The following ZMYND8 variants were observed in gnomAD, a reference collection of about 807,000 sequenced individuals.
ZMYND8 encodes MYND-type zinc finger-containing chromatin reader ZMYND8.
Under a neutral mutation model 140.8 loss-of-function variants are expected in ZMYND8, and 37 were observed. That is an observed-to-expected ratio of 0.26 (90% CI 0.20 to 0.35). The LOEUF (loss-of-function observed/expected upper bound fraction) is 0.35, where lower values mean the gene tolerates loss of function less well. Among genes scored for constraint, ZMYND8 ranks in the 10% least tolerant of loss-of-function variants. ZMYND8 has a pLI of 1.00. For missense variants in ZMYND8, 1,068 were observed against 1,570.0 expected (o/e 0.68, Z 5.40); for synonymous variants, 592 against 597.1 (o/e 0.99, Z 0.12).
intron 3 of ZMYND8, among the ~76,000 whole-genome samples, chr20:47,303,425 C>T (rs2078228595): frequency 6.6e-6 from 1 of 152,106 alleles, no homozygotes; most frequent in African/African-American, 2.4e-5. Context: ...TGTTAAGAAG[C>T]TAGAAGAATC....
At chr20:47,250,780 C>A (rs2074105488) in intron 12 of ZMYND8, among the ~76,000 whole-genome samples, 1 of 152,198 alleles carries the variant, frequency 6.6e-6, no homozygotes, top group African/African-American at 2.4e-5. Context: ...AGCAGCCTCC[C>A]AAAAGCCCCA....
intron 15 of ZMYND8, chr20:47,237,575 C>T (rs1476732397): frequency 6.6e-6 from 1 of 152,174 alleles, no homozygotes; most frequent in Non-Finnish European, 1.5e-5. Context: ...TTTGCCCCAC[C>T]AACTTTTTAA....
chr20:47,279,243 G>A (rs961843513), intron 10 of ZMYND8, among the ~76,000 whole-genome samples: 4 of 152,146 alleles, frequency 2.6e-5, no homozygotes, highest in Non-Finnish European at 5.9e-5. Flanking sequence ...GCAGAGGCAG[G>A]AGGATCACGT....
rs74509175 is a variant in ZMYND8 at position 47,258,603 on chromosome 20, T to C, written c.1621+3685A>G. Among the ~76,000 whole-genome samples the C allele has an allele frequency of 2.6e-3, 402 of 152,312 alleles. 2 individuals carry two copies. The highest frequency in any genetic ancestry group is 9.3e-3 in the African/African-American group (387 of 41,558). On this transcript the variant is annotated intron_variant, in intron 12 of 22. Coordinates refer to ENST00000471951, the MANE Select transcript of ZMYND8 (RefSeq NM_001281775.3). The stretch of plus-strand genomic sequence containing the variant: ...ATCACTCATCTGTTCCCCATCTCTG[T>C]AATTCTGCCTTTTCTGATATATTTT...
Position 47,217,043 on chromosome 20 carries a change from G to A in ZMYND8, c.3484+3215C>T, listed in dbSNP as rs573117229. On this transcript the variant is annotated intron_variant, in intron 21 of 22. Transcript: ENST00000471951. ...AAAGCTGGGGTTCATCCAAGGTGAG[G>A]TTTTGCCAAATGGACATGCTAGGAA... Among the ~76,000 whole-genome samples, 30 of 152,258 alleles carry A rather than the reference G, an allele frequency of 2.0e-4. No homozygotes were observed. The South Asian group carries it at 3.9e-3, about 20-fold the overall frequency.
rs991698106 is a variant in ZMYND8, at chr20:47,318,739, A to G, written c.86-8535T>C. 7 of 465,146 alleles carry G rather than the reference A, an allele frequency of 1.5e-5. No homozygotes were observed. In the Admixed American group the frequency reaches 1.6e-4, roughly 11 times the overall value. The allele number at this position is 465,146 out of a possible 1,614,324, so 28.8% of individuals were successfully genotyped here. A position where few individuals can be genotyped will look rare whatever the true frequency, so the allele number is the denominator to read the frequency against. ...CGGGCTGAGCCCTCTCCTCCAGAGGACTGCACTGGCCTGAACTGTGCTTAT... is the reference window on the plus strand; with the variant it reads ...CGGGCTGAGCCCTCTCCTCCAGAGGGCTGCACTGGCCTGAACTGTGCTTAT... On this transcript the variant is annotated intron_variant, in intron 2 of 22. Transcript: ENST00000471951.
At chr20:47,277,485 G>A (rs6018389) in intron 10 of ZMYND8, among the ~76,000 whole-genome samples, 4,141 of 151,940 alleles carry the variant, frequency 0.027, 153 homozygotes, top group African/African-American at 0.095. Flanking sequence ...CACCACAACC[G>A]CTGCTGCGGG....
At chr20:47,266,163 C>T (rs1371397401) in intron 11 of ZMYND8, among the ~76,000 whole-genome samples, 2 of 152,164 alleles carry the variant, frequency 1.3e-5, no homozygotes, top group Non-Finnish European at 2.9e-5. Context: ...ATCCTACCTC[C>T]CCAGTGTGTG....
At chr20:47,301,353 A>G (rs553199392) in intron 3 of ZMYND8, among the ~76,000 whole-genome samples, 4 of 151,956 alleles carry the variant, frequency 2.6e-5, no homozygotes, top group Admixed American at 6.6e-5. Flanking sequence ...ACAGGATTTC[A>G]CCATGTTGGC....
In ZMYND8 at chr20:47,278,546, AAAC is replaced by A. The variant is rs2076396591; in HGVS notation, c.999-1754_999-1752del. The stretch of plus-strand genomic sequence containing the variant: ...ATTTCAACAGTTGGCATCTAAGAGA[AAAC>A]AACCCAGGAGAAATAAAGCACATCC... On this transcript the variant is annotated intron_variant, in intron 10 of 22. Coordinates refer to ENST00000471951, the MANE Select transcript of ZMYND8 (RefSeq NM_001281775.3). Among the ~76,000 whole-genome samples, 6 of 152,302 alleles carry A rather than the reference AAAC, an allele frequency of 3.9e-5. No individual in the cohort carries two copies. In the South Asian group the frequency reaches 1.2e-3, roughly 32 times the overall value.
At chr20:47,342,408 G>C (rs978271761) in intron 2 of ZMYND8, among the ~76,000 whole-genome samples, 1 of 146,492 alleles carries the variant, frequency 6.8e-6, no homozygotes, top group Non-Finnish European at 1.5e-5. Context: ...TTAGCCAGGC[G>C]TGGTGGTGCG....
chr20:47,307,036 C>T (rs555592653), intron 3 of ZMYND8, among the ~76,000 whole-genome samples: 1 of 152,052 alleles, frequency 6.6e-6, no homozygotes, highest in Non-Finnish European at 1.5e-5. Context: ...TGCTTGTGTA[C>T]CTCCCAAATT....
Position 47,253,001 on chromosome 20 carries a change from A to G in ZMYND8, c.1622-3562T>C, listed in dbSNP as rs546161804. ...CTCTGTTGCAAAAGCAGCCATGAAC[A>G]CTACATAAACAGATGGGTGTGGATG... On this transcript the variant is annotated intron_variant, in intron 12 of 22. Coordinates refer to ENST00000471951, the MANE Select transcript of ZMYND8 (RefSeq NM_001281775.3). Among the ~76,000 whole-genome samples the G allele has an allele frequency of 2.0e-5, 3 of 152,362 alleles. No homozygotes were observed. The East Asian group carries it at 5.8e-4, about 29-fold the overall frequency.
chr20:47,242,899 A>C (rs767329170), intron 14 of ZMYND8, among the ~76,000 whole-genome samples: 4 of 152,160 alleles, frequency 2.6e-5, no homozygotes, highest in Admixed American at 6.5e-5. Context: ...AAAAAGGGTG[A>C]ATTTTTTTTT....
intron 11 of ZMYND8, among the ~76,000 whole-genome samples, chr20:47,271,513 T>G (rs976819579): frequency 6.6e-6 from 1 of 152,194 alleles, no homozygotes; most frequent in Non-Finnish European, 1.5e-5. Context: ...CTGCTTTCAT[T>G]CATCCCAGTC....
At chr20:47,252,616 C>G (rs1210402230) in intron 12 of ZMYND8, among the ~76,000 whole-genome samples, 1 of 152,174 alleles carries the variant, frequency 6.6e-6, no homozygotes, top group Non-Finnish European at 1.5e-5. Context: ...GACCAACAAA[C>G]TTTCTTTGTA....
At position 47,343,825 on chromosome 20, in the gene ZMYND8, T is replaced by C. The variant is rs554075661; in HGVS notation, c.85+4031A>G. ...AAATAATTTATGTCAAGCCTCTGCT[T>C]TCGAGGAGGTGGAGCATAGCTCTTC... is the stretch of plus-strand genomic sequence containing the variant. On this transcript the variant is annotated intron_variant, in intron 2 of 22. Coordinates refer to ENST00000471951, the MANE Select transcript of ZMYND8 (RefSeq NM_001281775.3). 3.3e-5 allele frequency among the ~76,000 whole-genome samples: 5 copies of C among 152,146 alleles called. 1 individual carries two copies. Among genetic ancestry groups the C allele is most frequent in the African/African-American group, 1.2e-4 (5 of 41,514 alleles).
At chr20:47,333,720 G>C (rs866372961) in intron 2 of ZMYND8, among the ~76,000 whole-genome samples, 1 of 75,878 alleles carries the variant, frequency 1.3e-5, no homozygotes, top group Non-Finnish European at 2.2e-5. Flanking sequence ...GCGAGACTCC[G>C]TCTCAAAAAA....
chr20:47,249,482 A>G, intron 12 of ZMYND8, 43 bp from the exon 13 acceptor site: 1 of 1,592,016 alleles, frequency 6.3e-7, no homozygotes, highest in Non-Finnish European at 8.6e-7. Context: ...GGCACACACC[A>G]TCCTCATCAC....
Sources: allele counts gnomAD v4.1 joint callset (sites outside exome capture counted in the v4.1 genomes callset), GRCh38; gene constraint gnomAD v4.1.1; transcripts MANE v1.5; gene names NCBI Gene and HGNC (gene_info 2026-07-23, HGNC 2026-07-21).